PAK3: variants seen among roughly 807,000 people sequenced by gnomAD.
PAK3 encodes p21 (RAC1) activated kinase 3, also known as serine/threonine-protein kinase PAK 3.
In PAK3, 4 loss-of-function variants were observed where a neutral mutation model predicts 41.0. That is an observed-to-expected ratio of 0.10 (90% CI 0.05 to 0.22). The LOEUF is 0.22. Among genes scored for constraint, PAK3 ranks in the 10% least tolerant of loss-of-function variants. The probability of loss-of-function intolerance (pLI) is 1.00; values close to 1 mark genes in which losing one functional copy is unlikely to be tolerated. For synonymous variants in PAK3, 146 were observed against 139.6 expected (o/e 1.05, Z -0.32); for missense variants, 205 against 409.9 (o/e 0.50, Z 4.32).
chrX:111,214,044 T>TG (rs1487096306), intron 16 of PAK3, among the ~76,000 whole-genome samples: 1 of 111,385 alleles, frequency 9.0e-6, no homozygotes, highest in Admixed American at 9.6e-5. Context: ...GAATGAGAGT[T>TG]GGGGGAAAGG....
At chrX:111,036,780 C>T (rs2092403696) in intron 1 of PAK3, among the ~76,000 whole-genome samples, 1 of 111,807 alleles carries the variant, frequency 8.9e-6, no homozygotes, top group African/African-American at 3.3e-5. Flanking sequence ...TAAAAAACCT[C>T]TTATTTGATG....
intron 10 of PAK3, among the ~76,000 whole-genome samples, chrX:111,170,943 G>A (rs2094330754): frequency 1.8e-5 from 2 of 111,199 alleles, no homozygotes; most frequent in African/African-American, 3.3e-5. Context: ...TGATCCTGCA[G>A]TGGGCAGGAG....
At chrX:111,160,082 A>G (rs1370166463) in intron 8 of PAK3, among the ~76,000 whole-genome samples, 3 of 111,858 alleles carry the variant, frequency 2.7e-5, no homozygotes. Context: ...TTTGTCCTCA[A>G]AGAATGAAAA....
intron 4 of PAK3, among the ~76,000 whole-genome samples, chrX:111,103,542 A>G (rs983879037): frequency 5.5e-4 from 61 of 111,755 alleles, no homozygotes; most frequent in Non-Finnish European, 9.0e-4. Context: ...GGTGAGGAGG[A>G]GAAACAACAT....
intron 1 of PAK3, among the ~76,000 whole-genome samples, chrX:110,959,701 C>A (rs773558761): frequency 9.0e-6 from 1 of 111,248 alleles, no homozygotes; most frequent in African/African-American, 3.3e-5. Context: ...CACATCAGTT[C>A]TCTTGCAGCT....
chrX:111,219,073 C>A (rs948876990), intron 17 of PAK3, among the ~76,000 whole-genome samples: 1 of 108,463 alleles, frequency 9.2e-6, no homozygotes, highest in African/African-American at 3.3e-5. Context: ...GCCTGTGATC[C>A]TAGCTACTCA....
Position 111,222,115 on chromosome X carries a change from A to C in PAK3, c.*1668A>C, listed in dbSNP as rs963480938. On this transcript the variant is annotated 3_prime_UTR_variant, in exon 18 of 18. Transcript: ENST00000372007. ...TTCTCTAAGCCTTTGAAAAACTAAC[A>C]ATTTGTGTTATAGAAGGCTTCTTAA... 1 of 111,789 alleles carries C rather than the reference A, an allele frequency of 8.9e-6. No homozygotes were observed. Among genetic ancestry groups the C allele is most frequent in the Non-Finnish European group, 1.9e-5 (1 of 53,096 alleles). 9.2% of individuals were successfully genotyped at this position (111,789 alleles called of 1,213,427 possible).
At chrX:110,960,059 A>G (rs944905804) in intron 1 of PAK3, among the ~76,000 whole-genome samples, 2 of 111,495 alleles carry the variant, frequency 1.8e-5, no homozygotes, top group Non-Finnish European at 1.9e-5. Flanking sequence ...TTCCTCTCCA[A>G]CCTAAGTCCT....
Position 111,090,826 on chromosome X carries a change from C to T in PAK3, c.-27-32251C>T, listed in dbSNP as rs1236335879. On this transcript the variant is annotated intron_variant, in intron 1 of 14. Coordinates refer to the PAK3 transcript ENST00000425146. ...CTTTACTTCCTTCATTCTTTATCCC[C>T]TAGATTTTGTTTTCTACTTTCTCCT... Among the ~76,000 whole-genome samples, 4 of 112,464 alleles carry T rather than the reference C, an allele frequency of 3.6e-5. No homozygotes were observed. The East Asian group carries it at 1.1e-3, about 31-fold the overall frequency.
chrX:111,124,588 C>T (rs1048570457), intron 5 of PAK3, among the ~76,000 whole-genome samples: 1 of 112,064 alleles, frequency 8.9e-6, no homozygotes, highest in African/African-American at 3.2e-5. Flanking sequence ...TCGAGAGTGT[C>T]AAGCTTTGAA....
chrX:111,133,477 C>G (rs1038161893), intron 5 of PAK3, among the ~76,000 whole-genome samples: 47 of 112,128 alleles, frequency 4.2e-4, no homozygotes, highest in African/African-American at 1.5e-3. Context: ...GTTGCTATTT[C>G]TTGTTTATTA....
chrX:110,982,998 C>T (rs994669795), intron 1 of PAK3, among the ~76,000 whole-genome samples: 1 of 110,805 alleles, frequency 9.0e-6, no homozygotes, highest in African/African-American at 3.3e-5. Context: ...TCTAAAAAGG[C>T]AGTGGGTTCC....
chrX:110,995,671 T>C (rs993694063), intron 1 of PAK3, among the ~76,000 whole-genome samples: 1 of 111,162 alleles, frequency 9.0e-6, no homozygotes, highest in African/African-American at 3.3e-5. Context: ...ATGGCTCCCA[T>C]TGCATGTAGT....
upstream of PAK3, among the ~76,000 whole-genome samples, chrX:111,093,597 T>C (rs976509035): frequency 8.9e-6 from 1 of 112,256 alleles, no homozygotes; most frequent in African/African-American, 3.2e-5. Flanking sequence ...TGCTTTCTCG[T>C]ATCAAGAATA....
chrX:111,042,757 C>T (rs2092463806), intron 1 of PAK3, among the ~76,000 whole-genome samples: 2 of 112,465 alleles, frequency 1.8e-5, no homozygotes, highest in African/African-American at 6.5e-5. Flanking sequence ...TTTGCCCAGG[C>T]TCTGCCCATG....
intron 1 of PAK3, among the ~76,000 whole-genome samples, chrX:110,991,411 ATCTG>A (rs1354884850): frequency 9.0e-6 from 1 of 111,543 alleles, no homozygotes; most frequent in Non-Finnish European, 1.9e-5. Flanking sequence ...GGGCTTTGGA[ATCTG>A]TCTAATATTA....
At chrX:111,133,511 C>A (rs777239826) in intron 5 of PAK3, among the ~76,000 whole-genome samples, 35 of 112,151 alleles carry the variant, frequency 3.1e-4, no homozygotes, top group South Asian at 1.8e-3. Flanking sequence ...AGTTAGATTT[C>A]AAGTTCAGAA....
intron 1 of PAK3, among the ~76,000 whole-genome samples, chrX:111,087,766 C>A (rs67540603): frequency 1.2e-3 from 111 of 92,462 alleles, no homozygotes; most frequent in African/African-American, 3.1e-3. Context: ...AAAAAAAAAA[C>A]AAAAAAAAAA....
chrX:111,105,147 CA>C (rs1385432255), intron 4 of PAK3, among the ~76,000 whole-genome samples: 1 of 111,572 alleles, frequency 9.0e-6, no homozygotes, highest in Non-Finnish European at 1.9e-5. Flanking sequence ...CATTTAGGTA[CA>C]TTCACACTGC....
Sources: allele counts gnomAD v4.1 joint callset (sites outside exome capture counted in the v4.1 genomes callset), GRCh38; gene constraint gnomAD v4.1.1; transcripts MANE v1.5; gene names NCBI Gene and HGNC (gene_info 2026-07-23, HGNC 2026-07-21).